The following FAM107B variants were observed in gnomAD, a reference collection of about 807,000 sequenced individuals.
The protein encoded by FAM107B is family with sequence similarity 107 member B.
In FAM107B, 21 loss-of-function variants were observed where a neutral mutation model predicts 31.5. The observed-to-expected ratio is 0.67, with a 90% confidence interval of 0.47 to 0.96. The LOEUF (loss-of-function observed/expected upper bound fraction) is 0.96. Ranked by LOEUF, FAM107B falls within the 40% of genes least tolerant of loss-of-function variation. The pLI is 0.00. For synonymous variants in FAM107B, 157 were observed against 141.5 expected (o/e 1.11, Z -0.78); for missense variants, 452 against 377.1 (o/e 1.20, Z -1.64).
intron 2 of FAM107B, 39 bp from the exon 3 acceptor site, chr10:14,530,554 T>C: frequency 6.3e-7 from 1 of 1,598,324 alleles, no homozygotes. Context: ...TTGCAGTTTT[T>C]GCTAAGGCTT....
chr10:14,539,557 A>G (rs1395219022), intron 2 of FAM107B, among the ~76,000 whole-genome samples: 3 of 152,232 alleles, frequency 2.0e-5, no homozygotes, highest in Non-Finnish European at 2.9e-5. Flanking sequence ...ACAAACTTAG[A>G]AAAGACTGAA....
chr10:14,681,815 C>T (rs1291835696), intron 1 of FAM107B, among the ~76,000 whole-genome samples: 1 of 152,182 alleles, frequency 6.6e-6, no homozygotes, highest in African/African-American at 2.4e-5. Flanking sequence ...CAACAGTTCG[C>T]TCCCAAGTAG....
chr10:14,672,559 A>T (rs1854587030), intron 1 of FAM107B, among the ~76,000 whole-genome samples: 1 of 152,250 alleles, frequency 6.6e-6, no homozygotes, highest in Non-Finnish European at 1.5e-5. Context: ...AAGGTACAGT[A>T]AAAAGATAGT....
Position 14,589,097 on chromosome 10 carries a change from A to T in FAM107B, c.470-58582T>A, listed in dbSNP as rs139053504. On this transcript the variant is annotated intron_variant, in intron 2 of 4. Coordinates refer to ENST00000181796, the MANE Select transcript of FAM107B (RefSeq NM_031453.4). ...CTTGGGAGGCTGAGGCAGGAGAATCACTTGAGCCCAGGAGGTTGCAGTGAG... is the reference window on the plus strand; with the variant it reads ...CTTGGGAGGCTGAGGCAGGAGAATCTCTTGAGCCCAGGAGGTTGCAGTGAG... Among the ~76,000 whole-genome samples, 123 of 151,368 alleles carry T rather than the reference A, an allele frequency of 8.1e-4. 3 individuals carry two copies. In the East Asian group the frequency reaches 0.02, roughly 24 times the overall value.
chr10:14,622,061 A>G (rs1853025181), intron 2 of FAM107B, among the ~76,000 whole-genome samples: 1 of 152,212 alleles, frequency 6.6e-6, no homozygotes, highest in South Asian at 2.1e-4. Flanking sequence ...ATGGAGTAAC[A>G]TTCCTGGCTT....
intron 2 of FAM107B, among the ~76,000 whole-genome samples, chr10:14,543,789 C>T (rs1414019707): frequency 6.6e-6 from 1 of 151,628 alleles, no homozygotes; most frequent in African/African-American, 2.4e-5. Flanking sequence ...GAAGGCTGTG[C>T]CAGATGACCC....
At chr10:14,621,701 G>A (rs1434669653) in intron 2 of FAM107B, among the ~76,000 whole-genome samples, 1 of 152,226 alleles carries the variant, frequency 6.6e-6, no homozygotes, top group Non-Finnish European at 1.5e-5. Context: ...GGGAAGAGAG[G>A]AAGGAGCATA....
chr10:14,641,137 T>C (rs1003466347), intron 2 of FAM107B, among the ~76,000 whole-genome samples: 1 of 152,366 alleles, frequency 6.6e-6, no homozygotes, highest in African/African-American at 2.4e-5. Flanking sequence ...AATAGTATAA[T>C]TGATCATCAA....
Position 14,686,682 on chromosome 10 carries a change from C to T in FAM107B, c.412-18991G>A, listed in dbSNP as rs1409467974. ...CTGTAAGTTTAGACTCCAGGCCTGG[C>T]AACCCAACCTCTTTTCCTGAGGCTT... On this transcript the variant is annotated intron_variant, in intron 1 of 4. Coordinates refer to ENST00000181796, the MANE Select transcript of FAM107B (RefSeq NM_031453.4). Among the ~76,000 whole-genome samples, 4 of 152,208 alleles carry T rather than the reference C, an allele frequency of 2.6e-5. No homozygotes were observed. The East Asian group carries it at 7.7e-4, about 29-fold the overall frequency.
intron 2 of FAM107B, among the ~76,000 whole-genome samples, chr10:14,611,895 CATATATTT>C (rs1319824903): frequency 6.6e-6 from 1 of 152,040 alleles, no homozygotes; most frequent in East Asian, 1.9e-4. Flanking sequence ...CCACAAAATA[CATATATTT>C]ATATATTTAT....
At chr10:14,740,442 T>C (rs1217717989) in intron 1 of FAM107B, among the ~76,000 whole-genome samples, 4 of 152,144 alleles carry the variant, frequency 2.6e-5, no homozygotes, top group East Asian at 1.9e-4. Context: ...GTGGTGGCCA[T>C]TGGGGTACGG....
intron 2 of FAM107B, among the ~76,000 whole-genome samples, chr10:14,532,387 C>T (rs1273087530): frequency 1.3e-5 from 2 of 152,094 alleles, no homozygotes; most frequent in East Asian, 3.8e-4. Flanking sequence ...AATGAAAATC[C>T]AAAGGCTAAG....
chr10:14,618,273 G>T (rs561486436), intron 2 of FAM107B, among the ~76,000 whole-genome samples: 1 of 152,270 alleles, frequency 6.6e-6, no homozygotes, highest in African/African-American at 2.4e-5. Flanking sequence ...GTATTCCATT[G>T]TATTGTTTAT....
intron 1 of FAM107B, among the ~76,000 whole-genome samples, chr10:14,749,788 T>C (rs12264594): frequency 0.11 from 17,178 of 152,226 alleles, 2,186 homozygotes; most frequent in African/African-American, 0.31. Context: ...CCATGTCTTT[T>C]GAGAAAAGGC....
At chr10:14,586,488 AG>A (rs1851843087) in intron 2 of FAM107B, among the ~76,000 whole-genome samples, 1 of 152,138 alleles carries the variant, frequency 6.6e-6, no homozygotes, top group Non-Finnish European at 1.5e-5. Context: ...AGTGGGGCTT[AG>A]GGGAAGTAAT....
intron 2 of FAM107B, among the ~76,000 whole-genome samples, chr10:14,630,784 G>A (rs1320134573): frequency 6.6e-6 from 1 of 152,136 alleles, no homozygotes; most frequent in Non-Finnish European, 1.5e-5. Flanking sequence ...CCAGGAGGTT[G>A]AGGCTGAGGT....
intron 1 of FAM107B, among the ~76,000 whole-genome samples, chr10:14,684,643 C>T (rs1005332431): frequency 6.6e-6 from 1 of 152,096 alleles, no homozygotes; most frequent in Non-Finnish European, 1.5e-5. Context: ...CCCGTAAATA[C>T]ATTGTGAATG....
At chr10:14,735,277 TG>T (rs1444070476) in intron 1 of FAM107B, among the ~76,000 whole-genome samples, 1 of 149,870 alleles carries the variant, frequency 6.7e-6, no homozygotes, top group Admixed American at 6.7e-5. Flanking sequence ...TAAAACATTA[TG>T]AGATTTTTTG....
chr10:14,653,167 A>C (rs905961579), intron 2 of FAM107B, among the ~76,000 whole-genome samples: 1 of 152,238 alleles, frequency 6.6e-6, no homozygotes, highest in Non-Finnish European at 1.5e-5. Flanking sequence ...CGGTATTTAC[A>C]ATTAAGGCCA....
Sources: gnomAD v4.1 joint callset for allele counts (sites outside exome capture counted in the v4.1 genomes callset) on GRCh38, gnomAD v4.1.1 for gene constraint, MANE v1.5 for transcripts, NCBI Gene and HGNC (gene_info 2026-07-23, HGNC 2026-07-21) for gene names.